The following IFT22 variants were observed in gnomAD, a reference collection of about 807,000 sequenced individuals.
IFT22 encodes intraflagellar transport protein 22 homolog.
Under a neutral mutation model 21.0 loss-of-function variants are expected in IFT22, and 13 were observed. That is an observed-to-expected ratio of 0.62 (90% confidence interval 0.40 to 0.98). The LOEUF (loss-of-function observed/expected upper bound fraction) is 0.98. Ranked by LOEUF, IFT22 falls within the 50% of genes least tolerant of loss-of-function variation. IFT22 has a pLI of 0.00. For missense variants in IFT22, 227 were observed against 228.9 expected (o/e 0.99, Z 0.06); for synonymous variants, 67 against 82.4 (o/e 0.81, Z 1.01).
In IFT22 at chr7:101,318,945, T is replaced by C; in HGVS notation, c.116+11A>G. On this transcript the variant is annotated intron_variant, in intron 2 of 4. Coordinates refer to ENST00000315322, the MANE Select transcript of IFT22 (RefSeq NM_022777.4). ...TTGGACACTCTGGGACACAGATTTG[T>C]CAGGGCTCACCTCACTCCTTGGGTT... is the stretch of plus-strand genomic sequence containing the variant. 2.5e-6 allele frequency: 4 copies of C among 1,607,038 alleles called. No homozygotes were observed. Among genetic ancestry groups the C allele is most frequent in the Non-Finnish European group, 3.4e-6 (4 of 1,173,594 alleles).
chr7:101,315,383 C>T, intron 4 of IFT22, 101 bp from the exon 5 acceptor site: 1 of 1,299,178 alleles, frequency 7.7e-7, no homozygotes. Flanking sequence ...TTCTGAAGTT[C>T]ACAGATCAAG....
At chr7:101,317,611 T>C (rs1041057104) in intron 3 of IFT22, among the ~76,000 whole-genome samples, 1 of 152,002 alleles carries the variant, frequency 6.6e-6, no homozygotes, top group African/African-American at 2.4e-5. Flanking sequence ...ATCACTAAAG[T>C]GTATAAAGCA....
At chr7:101,321,557 G>T (rs1412680453) in intron 1 of IFT22, 114 bp downstream of exon 1, 2 of 1,135,334 alleles carry the variant, frequency 1.8e-6, no homozygotes, top group Non-Finnish European at 2.5e-6. Context: ...GGCGCGGTGG[G>T]CCCGGGTTCC....
Position 101,318,153 on chromosome 7 carries a change from G to A in IFT22, c.177C>T (p.Phe59=), listed in dbSNP as rs777678945. The A allele has an allele frequency of 1.9e-5, 31 of 1,613,186 alleles. No individual in the cohort carries two copies. The highest frequency in any genetic ancestry group is 4.5e-5 in the East Asian group (2 of 44,858). Residue 59 remains phenylalanine, a synonymous_variant, in exon 3 of 5, where the codon TTC becomes TTT. Transcript: ENST00000315322. ...TSNNKGTGCE[F]ELWDCGGDAK... is the part of the protein sequence containing the mutation. ...CATCGCCACCACAGTCCCATAGCTC[G>A]AATTCACAGCCCGTGCCTTTGTTGT...
intron 1 of IFT22, among the ~76,000 whole-genome samples, chr7:101,320,558 C>CTTTT (rs397889268): frequency 9.8e-6 from 1 of 101,630 alleles, no homozygotes. Context: ...CGCGCCCGGC[C>CTTTT]TTTTTTTTTT....
At chr7:101,319,356 G>A (rs562264061) in intron 1 of IFT22, among the ~76,000 whole-genome samples, 2 of 152,046 alleles carry the variant, frequency 1.3e-5, no homozygotes, top group African/African-American at 2.4e-5. Context: ...AGAGTAGTTG[G>A]GATTACAGGC....
Position 101,319,022 on chromosome 7 carries a change from GT to G in IFT22, c.49del (p.Thr17LeufsTer7). 6.2e-7 allele frequency: 1 copy of G among 1,613,904 alleles called. No individual in the cohort carries two copies. Among genetic ancestry groups the G allele is most frequent in the South Asian group, 1.1e-5 (1 of 91,082 alleles). ...LFVGPCESGK[T>X]VLANFLTESS... Reference sequence around the variant, plus strand: ...TTCTGTCAGAAAGTTGGCCAAAACAGTTTTTCCACTCTGTGAAAATGAGTGC... The same window carrying G: ...TTCTGTCAGAAAGTTGGCCAAAACAGTTTTCCACTCTGTGAAAATGAGTGC... On this transcript the variant is annotated frameshift_variant, in exon 2 of 5. Coordinates refer to ENST00000315322, the MANE Select transcript of IFT22 (RefSeq NM_022777.4). LOFTEE classifies it high-confidence loss of function.
rs1789971671 is a variant in IFT22, at chr7:101,311,141, C to T, written c.*3993G>A. The stretch of plus-strand genomic sequence containing the variant: ...CCTGAGTAGCTGGGACTACAGGTGC[C>T]CGCCACCACACCCGGCTTATTTTTT... On this transcript the variant is annotated 3_prime_UTR_variant, in exon 5 of 5. Transcript: ENST00000315322. Among the ~76,000 whole-genome samples the T allele has an allele frequency of 6.6e-6, 1 of 151,802 alleles. No individual in the cohort carries two copies. Among genetic ancestry groups the T allele is most frequent in the African/African-American group, 2.4e-5 (1 of 41,336 alleles).
Position 101,311,865 on chromosome 7 carries a change from G to A in IFT22, c.*3269C>T, listed in dbSNP as rs533977504. 5.3e-5 allele frequency among the ~76,000 whole-genome samples: 8 copies of A among 152,038 alleles called. No individual in the cohort carries two copies. Among genetic ancestry groups the A allele is most frequent in the East Asian group, 3.9e-4 (2 of 5,146 alleles). On this transcript the variant is annotated 3_prime_UTR_variant, in exon 5 of 5. Coordinates refer to ENST00000315322, the MANE Select transcript of IFT22 (RefSeq NM_022777.4). ...TCTACTAAAAATACAAAAATTAGCC[G>A]GGTGCAGTGGCAGGCACCTGTAATC...
intron 1 of IFT22, among the ~76,000 whole-genome samples, chr7:101,320,558 C>CTTT (rs397889268): frequency 4.9e-5 from 5 of 101,634 alleles, no homozygotes; most frequent in African/African-American, 1.5e-4. Flanking sequence ...CGCGCCCGGC[C>CTTT]TTTTTTTTTT....
intron 3 of IFT22, among the ~76,000 whole-genome samples, chr7:101,317,110 T>G (rs1423587175): frequency 6.6e-6 from 1 of 151,892 alleles, no homozygotes; most frequent in Non-Finnish European, 1.5e-5. Flanking sequence ...CAGGTCAATT[T>G]TATTTTTTGT....
rs905977016 is a variant in IFT22, at chr7:101,321,758, T to A, written c.-49A>T. ...GCCGGAGCCCACGGGAGGCGGCGCG[T>A]CAGGACGGAGCTCTACTTGGCCGCT... On this transcript the variant is annotated 5_prime_UTR_variant, in exon 1 of 5. Coordinates refer to ENST00000315322, the MANE Select transcript of IFT22 (RefSeq NM_022777.4). 2.6e-6 allele frequency: 4 copies of A among 1,547,186 alleles called. No individual in the cohort carries two copies. The highest frequency in any genetic ancestry group is 2.0e-5 in the Admixed American group (1 of 50,658).
intron 1 of IFT22, 32 bp from the exon 2 acceptor site, chr7:101,319,064 C>G (rs1562934202): frequency 1.2e-6 from 2 of 1,611,182 alleles, no homozygotes; most frequent in Non-Finnish European, 1.7e-6. Context: ...AAGGTCTTTG[C>G]TGAAAGGCAG....
At chr7:101,315,535 T>G in intron 4 of IFT22, 1 of 495,994 alleles carries the variant, frequency 2.0e-6, no homozygotes, top group Non-Finnish European at 3.6e-6. Flanking sequence ...TCATTTTGTT[T>G]CTGAATATTT....
Position 101,315,249 on chromosome 7 carries a change from G to C in IFT22, c.443C>G (p.Ser148Ter), listed in dbSNP as rs1177778210. 2 of 1,614,140 alleles carry C rather than the reference G, an allele frequency of 1.2e-6. No individual in the cohort carries two copies. The highest frequency in any genetic ancestry group is 1.3e-5 in the African/African-American group (1 of 75,036). ...CTCCTCAGGGTCATCTTCCAGGTTT[G>C]AGTGCACCAGCTTCAGCTTGTTCAA... Reference protein sequence around the residue: ...PPLNKLKLVHSNLEDDPEEIR... With the variant: ...PPLNKLKLVH The change falls in exon 5 of 5, where the codon TCA becomes TGA. Residue 148 changes from serine to a stop codon, truncating the protein, a stop_gained. Coordinates refer to ENST00000315322, the MANE Select transcript of IFT22 (RefSeq NM_022777.4). LOFTEE classifies it high-confidence loss of function.
rs6948133 is a variant in IFT22, at chr7:101,311,080, G to A, written c.*4054C>T. The A allele has an allele frequency of 0.36, 82,073 of 228,004 alleles. 16,287 individuals are homozygous for A. The highest frequency in any genetic ancestry group is 0.63 in the East Asian group (6,271 of 10,012). The allele number at this position is 228,004 out of a possible 1,614,324, so 14.1% of individuals were successfully genotyped here. A position where few individuals can be genotyped will look rare whatever the true frequency, so the allele number is the denominator to read the frequency against. Reference sequence around the variant, plus strand: ...GGGACCTCGGCTCACTGCAAGCTCCGCCTCCCAGGTTCACGCCATTCTCCT... The same window carrying A: ...GGGACCTCGGCTCACTGCAAGCTCCACCTCCCAGGTTCACGCCATTCTCCT... On this transcript the variant is annotated 3_prime_UTR_variant, in exon 5 of 5. Coordinates refer to ENST00000315322, the MANE Select transcript of IFT22 (RefSeq NM_022777.4).
At chr7:101,319,157 CTGGGGT>C in intron 1 of IFT22, 125 bp from the exon 2 acceptor site, 2 of 837,736 alleles carry the variant, frequency 2.4e-6, no homozygotes, top group Non-Finnish European at 3.9e-6. Context: ...CCTGAGATCA[CTGGGGT>C]GGTTACGACC....
chr7:101,314,550 G>A lies in IFT22; in HGVS notation c.*584C>T, dbSNP rs1206073168. On this transcript the variant is annotated 3_prime_UTR_variant, in exon 5 of 5. Coordinates refer to ENST00000315322, the MANE Select transcript of IFT22 (RefSeq NM_022777.4). ...GTTTCTGAATCGGCCTATTAGGTTG[G>A]TGCAAAAGTAATAGTGGCTTTTGCC... 6.6e-6 allele frequency: 1 copy of A among 152,162 alleles called. No individual in the cohort carries two copies. Among genetic ancestry groups the A allele is most frequent in the African/African-American group, 2.4e-5 (1 of 41,436 alleles). 9.4% of individuals were successfully genotyped at this position (152,162 alleles called of 1,614,324 possible).
rs1206849222 is a variant in IFT22 at position 101,312,453 on chromosome 7, G to A, written c.*2681C>T. Among the ~76,000 whole-genome samples, 1 of 150,804 alleles carries A rather than the reference G, an allele frequency of 6.6e-6. No individual in the cohort carries two copies. The highest frequency in any genetic ancestry group is 2.4e-5 in the African/African-American group (1 of 40,928). On this transcript the variant is annotated 3_prime_UTR_variant, in exon 5 of 5. Transcript: ENST00000315322. ...TCAAAAAAACAAAAAACAAAAAATT[G>A]TGTCTGTACTCCACTTTCCAACTGG... is the stretch of plus-strand genomic sequence containing the variant.
Sources: gnomAD v4.1 joint callset for allele counts (sites outside exome capture counted in the v4.1 genomes callset) on GRCh38, gnomAD v4.1.1 for gene constraint, MANE v1.5 for transcripts, NCBI Gene and HGNC (gene_info 2026-07-23, HGNC 2026-07-21) for gene names.